Variants in TMEM181 observed in about 807,000 individuals in gnomAD.
TMEM181 encodes G protein-coupled receptor 178.
In TMEM181, 39 loss-of-function variants were observed where a neutral mutation model predicts 71.9. That is an observed-to-expected ratio of 0.54 (90% confidence interval 0.42 to 0.71). The LOEUF is 0.71. Among genes scored for constraint, TMEM181 ranks in the 30% least tolerant of loss-of-function variants. The pLI is 0.00. For missense variants in TMEM181, 595 were observed against 583.0 expected, an observed-to-expected ratio of 1.02 and a Z score of -0.21; for synonymous variants, 245 against 228.8, an observed-to-expected ratio of 1.07 and a Z score of -0.64.
intron 7 of TMEM181, 43 bp from the exon 8 acceptor site, chr6:158,607,201 G>A (rs1176552359): frequency 7.9e-6 from 12 of 1,524,148 alleles, no homozygotes; most frequent in Middle Eastern, 1.8e-4. Context: ...TGCAGGCAAG[G>A]TGTGAGCAAA....
At chr6:158,606,209 C>T (rs1339172769) in intron 7 of TMEM181, among the ~76,000 whole-genome samples, 1 of 144,908 alleles carries the variant, frequency 6.9e-6, no homozygotes, top group Non-Finnish European at 1.5e-5. Flanking sequence ...GGCGTGGGCG[C>T]TAGAGCCACA....
intron 10 of TMEM181, among the ~76,000 whole-genome samples, 197 bp from the exon 11 acceptor site, chr6:158,623,353 T>C (rs1338523891): frequency 1.3e-5 from 2 of 152,128 alleles, no homozygotes; most frequent in Non-Finnish European, 2.9e-5. Context: ...CTTGGTAGGA[T>C]TGTATAGTTT....
intron 14 of TMEM181, among the ~76,000 whole-genome samples, chr6:158,628,958 G>A (rs1000737438): frequency 2.6e-5 from 4 of 152,184 alleles, no homozygotes; most frequent in African/African-American, 9.7e-5. Context: ...TCATCATCAC[G>A]GAGATGTATC....
Position 158,585,162 on chromosome 6 carries a change from T to C in TMEM181, c.260-142T>C. 3.7e-6 allele frequency: 3 copies of C among 816,886 alleles called. No homozygotes were observed. In the South Asian group the frequency reaches 8.7e-5, roughly 24 times the overall value. The allele number at this position is 816,886 out of a possible 1,614,324, so 50.6% of individuals were successfully genotyped here. ...TTTACTTTGCTGGGCAATTAAGAGA[T>C]TTTCAAATGTGCTGAGGCCAATGTG... is the stretch of plus-strand genomic sequence containing the variant. On this transcript the variant is annotated intron_variant, in intron 4 of 16. Coordinates refer to ENST00000684151, the MANE Select transcript of TMEM181 (RefSeq NM_001376852.1).
chr6:158,566,202 G>C (rs1305785242), intron 1 of TMEM181, among the ~76,000 whole-genome samples: 1 of 152,112 alleles, frequency 6.6e-6, no homozygotes, highest in East Asian at 1.9e-4. Context: ...TCATGTGTGA[G>C]GTACCTGCTT....
rs1263780093 is a variant in TMEM181 at position 158,635,190 on chromosome 6, C to G, written c.*3302C>G. Reference sequence around the variant, plus strand: ...AGAATTTTCTGCTACTAAAAACTGCCTTTTTACAAAATGACTGTAAATATT... The same window carrying G: ...AGAATTTTCTGCTACTAAAAACTGCGTTTTTACAAAATGACTGTAAATATT... On this transcript the variant is annotated 3_prime_UTR_variant, in exon 17 of 17. Coordinates refer to ENST00000684151, the MANE Select transcript of TMEM181 (RefSeq NM_001376852.1). The G allele has an allele frequency of 1.3e-5, 2 of 152,154 alleles. No individual in the cohort carries two copies. The highest frequency in any genetic ancestry group is 2.9e-5 in the Non-Finnish European group (2 of 68,028). 9.4% of individuals were successfully genotyped at this position (152,154 alleles called of 1,614,324 possible).
At chr6:158,588,948 A>G (rs1783940147) in intron 5 of TMEM181, among the ~76,000 whole-genome samples, 4 of 152,100 alleles carry the variant, frequency 2.6e-5, no homozygotes, top group Admixed American at 2.6e-4. Flanking sequence ...GCTGGGGAGG[A>G]GTGGCTGGCT....
At position 158,635,227 on chromosome 6, in the gene TMEM181, A is replaced by G. The variant is rs546415373; in HGVS notation, c.*3339A>G. ...TGACTGTAAATATTTGTAAAATAAA[A>G]TAACACTAAACTTTAAGCCCAAAAG... On this transcript the variant is annotated 3_prime_UTR_variant, in exon 17 of 17. Coordinates refer to ENST00000684151, the MANE Select transcript of TMEM181 (RefSeq NM_001376852.1). 8 of 152,346 alleles carry G rather than the reference A, an allele frequency of 5.3e-5. No individual in the cohort carries two copies. The highest frequency in any genetic ancestry group is 3.3e-4 in the Admixed American group (5 of 15,296). 9.4% of individuals were successfully genotyped at this position (152,346 alleles called of 1,614,324 possible). A position where few individuals can be genotyped will look rare whatever the true frequency, so the allele number is the denominator to read the frequency against.
At chr6:158,592,367 G>A (rs965063613) in intron 6 of TMEM181, among the ~76,000 whole-genome samples, 11 of 152,224 alleles carry the variant, frequency 7.2e-5, no homozygotes, top group Admixed American at 3.9e-4. Context: ...AGATTGGGCC[G>A]GGGGCAGTAG....
At chr6:158,567,782 A>G (rs191944146) in intron 1 of TMEM181, among the ~76,000 whole-genome samples, 3 of 152,302 alleles carry the variant, frequency 2.0e-5, no homozygotes, top group Non-Finnish European at 2.9e-5. Flanking sequence ...GAGCTTTCTC[A>G]TCTGAAAGGG....
chr6:158,604,503 G>T (rs1196153074), intron 6 of TMEM181, among the ~76,000 whole-genome samples: 5 of 152,168 alleles, frequency 3.3e-5, no homozygotes, highest in Non-Finnish European at 7.3e-5. Flanking sequence ...CCTGGCTCGT[G>T]CTTAGGTTGG....
In TMEM181 at chr6:158,537,835, G is replaced by T. The variant is rs1052511264; in HGVS notation, c.131+970G>T. ...AAGACCTATCCTGTACTCATCATAG[G>T]TACCTGCTCAGAAAAAGGCGTGTCA... On this transcript the variant is annotated intron_variant, in intron 1 of 16. Coordinates refer to the TMEM181 transcript ENST00000367090. 2.0e-5 allele frequency among the ~76,000 whole-genome samples: 3 copies of T among 152,248 alleles called. No homozygotes were observed. The East Asian group carries it at 5.8e-4, about 29-fold the overall frequency.
chr6:158,560,473 C>T (rs116389831), intron 1 of TMEM181, among the ~76,000 whole-genome samples: 7 of 152,176 alleles, frequency 4.6e-5, no homozygotes, highest in African/African-American at 9.7e-5. Context: ...GGTTAGAGAC[C>T]GGGATGCGGT....
At chr6:158,619,357 GTCT>G (rs966958223) in intron 10 of TMEM181, among the ~76,000 whole-genome samples, 5 of 152,102 alleles carry the variant, frequency 3.3e-5, no homozygotes, top group African/African-American at 1.2e-4. Flanking sequence ...GTCGTTTAAG[GTCT>G]TCTCTGTGCT....
chr6:158,631,362 A>G lies in TMEM181; in HGVS notation c.1322A>G (p.Asn441Ser). ...GACAATCCTGCCTTCTCCATGCTGA[A>G]TGACTCGGATGATGATGTGATTTAT... ...LKDNPAFSMLNDSDDDVIYGS... is the reference protein window; with the variant it reads ...LKDNPAFSMLSDSDDDVIYGS... The change falls in exon 16 of 17, where the codon AAT becomes AGT. Residue 441 changes from asparagine (N) to serine (S), a missense_variant. Coordinates refer to ENST00000684151, the MANE Select transcript of TMEM181 (RefSeq NM_001376852.1). 1 of 1,614,206 alleles carries G rather than the reference A, an allele frequency of 6.2e-7. No homozygotes were observed. The highest frequency in any genetic ancestry group is 1.1e-5 in the South Asian group (1 of 91,092).
chr6:158,595,518 C>T (rs1459711238), intron 6 of TMEM181, among the ~76,000 whole-genome samples: 3 of 152,138 alleles, frequency 2.0e-5, no homozygotes, highest in Non-Finnish European at 2.9e-5. Context: ...TTCTTAATAG[C>T]CAAACTGTAA....
intron 6 of TMEM181, among the ~76,000 whole-genome samples, chr6:158,590,391 T>C (rs1281920533): frequency 2.0e-5 from 3 of 151,834 alleles, no homozygotes; most frequent in African/African-American, 7.3e-5. Flanking sequence ...AAAAAACAGC[T>C]TTATCAAAGT....
At chr6:158,601,604 C>T (rs960963113) in intron 6 of TMEM181, among the ~76,000 whole-genome samples, 9 of 152,010 alleles carry the variant, frequency 5.9e-5, no homozygotes, top group Non-Finnish European at 1.3e-4. Context: ...ACTAAAAATA[C>T]AAAAATTAGC....
chr6:158,588,226 C>T (rs1783894503), intron 5 of TMEM181, among the ~76,000 whole-genome samples: 1 of 152,238 alleles, frequency 6.6e-6, no homozygotes, highest in Non-Finnish European at 1.5e-5. Context: ...CTTTGCAGGG[C>T]AGCCCCTCCC....
Sources: allele counts gnomAD v4.1 joint callset (sites outside exome capture counted in the v4.1 genomes callset), GRCh38; gene constraint gnomAD v4.1.1; transcripts MANE v1.5; gene names NCBI Gene and HGNC (gene_info 2026-07-23, HGNC 2026-07-21).